Variants in ADISSP observed in about 807,000 individuals in gnomAD.
The protein encoded by ADISSP is adipose secreted signaling protein, also known as adipose-secreted signaling protein.
chr20:3,754,479 G>A, the ADISSP span: 7 of 1,613,676 alleles, frequency 4.3e-6, no homozygotes, highest in Non-Finnish European at 5.1e-6. Context: ...CTTTGAGGAC[G>A]CCCTCTTTGT....
chr20:3,764,876 TG>T, the ADISSP span, among the ~76,000 whole-genome samples: 1 of 152,176 alleles, frequency 6.6e-6, no homozygotes, highest in Non-Finnish European at 1.5e-5. Context: ...ACCCCTGCCC[TG>T]GGGGGCACTT....
At chr20:3,766,007 G>A in the ADISSP span, among the ~76,000 whole-genome samples, 6 of 152,274 alleles carry the variant, frequency 3.9e-5, no homozygotes, top group East Asian at 9.6e-4. Context: ...TGCTCCCAAC[G>A]TCTGAGACCT....
chr20:3,759,087 C>G, the ADISSP span, among the ~76,000 whole-genome samples: 2 of 152,194 alleles, frequency 1.3e-5, no homozygotes, highest in African/African-American at 4.8e-5. The surrounding 1 kb of genome is among the most constrained non-coding windows in gnomAD (Gnocchi z 4.6). Flanking sequence ...GGGCCTACCC[C>G]TAAGCTGTGT....
At chr20:3,757,341 C>T in the ADISSP span, among the ~76,000 whole-genome samples, 4 of 151,220 alleles carry the variant, frequency 2.6e-5, no homozygotes, top group Admixed American at 2.0e-4. Context: ...AGCAAGACTC[C>T]GTCTCAAAAA....
the ADISSP span, chr20:3,754,015 G>T: frequency 7.0e-7 from 1 of 1,434,626 alleles, no homozygotes. Context: ...GGACAAGGCG[G>T]GGTTTAAGGC....
At chr20:3,764,596 C>A in the ADISSP span, among the ~76,000 whole-genome samples, 2 of 152,258 alleles carry the variant, frequency 1.3e-5, no homozygotes, top group African/African-American at 4.8e-5. Context: ...AATCCCCTTT[C>A]TCATGTCTGG....
the ADISSP span, chr20:3,759,998 G>C: frequency 6.2e-7 from 1 of 1,603,552 alleles, no homozygotes; most frequent in South Asian, 1.1e-5. This position sits in a 1 kb window ranked among gnomAD's most constrained non-coding sequence, Gnocchi z 4.6. Flanking sequence ...CAGGTGGTGC[G>C]GGCCCTACCT....
the ADISSP span, among the ~76,000 whole-genome samples, chr20:3,767,050 T>C: frequency 6.6e-6 from 1 of 151,756 alleles, no homozygotes; most frequent in African/African-American, 2.4e-5. Flanking sequence ...CCGGCAGCCA[T>C]CCCTGTGGGT....
chr20:3,767,090 C>T, the ADISSP span: 1 of 152,304 alleles, frequency 6.6e-6, no homozygotes, highest in African/African-American at 2.4e-5. Flanking sequence ...CCATTCTTGT[C>T]ATCTCAGGGG....
At chr20:3,758,702 T>C in the ADISSP span, 9 of 1,609,424 alleles carry the variant, frequency 5.6e-6, no homozygotes, top group Non-Finnish European at 7.6e-6. This position sits in a 1 kb window ranked among gnomAD's most constrained non-coding sequence, Gnocchi z 5.5. Flanking sequence ...GAGAGGGCTC[T>C]GAGGGCTTTC....
At chr20:3,767,259 C>T in the ADISSP span, 1 of 152,348 alleles carries the variant, frequency 6.6e-6, no homozygotes, top group African/African-American at 2.4e-5. Flanking sequence ...CATCACTGCC[C>T]TCCTTCCTGA....
the ADISSP span, among the ~76,000 whole-genome samples, chr20:3,765,364 C>G: frequency 9.2e-5 from 14 of 152,192 alleles, no homozygotes; most frequent in Non-Finnish European, 1.9e-4. Flanking sequence ...TCCACATGGC[C>G]CCCAGAGGCA....
the ADISSP span, chr20:3,755,421 G>A: frequency 1.4e-5 from 22 of 1,578,790 alleles, no homozygotes; most frequent in African/African-American, 1.6e-4. Context: ...AGCACCCCAT[G>A]TTCTCACTCC....
At chr20:3,754,134 A>G in the ADISSP span, 1 of 1,613,078 alleles carries the variant, frequency 6.2e-7, no homozygotes, top group Non-Finnish European at 8.5e-7. Context: ...ACCATCCAGC[A>G]GCATGGGCGT....
the ADISSP span, among the ~76,000 whole-genome samples, chr20:3,764,272 T>C: frequency 6.6e-6 from 1 of 152,214 alleles, no homozygotes; most frequent in African/African-American, 2.4e-5. Context: ...GACAGCCCAG[T>C]GTCCTCAAGG....
At chr20:3,754,539 A>G in the ADISSP span, 35 of 1,603,456 alleles carry the variant, frequency 2.2e-5, no homozygotes, top group Non-Finnish European at 2.9e-5. Flanking sequence ...GACAGGGGCA[A>G]TTGGTCAGCA....
chr20:3,754,613 G>C, the ADISSP span: 2 of 1,323,768 alleles, frequency 1.5e-6, no homozygotes, highest in Non-Finnish European at 2.1e-6. Context: ...ACCATGGGGG[G>C]ACTGCATGCT....
the ADISSP span, among the ~76,000 whole-genome samples, chr20:3,764,776 C>T: frequency 4.6e-5 from 7 of 152,222 alleles, no homozygotes; most frequent in Admixed American, 2.0e-4. Flanking sequence ...GGCCAAGGCC[C>T]GTACTTCAGC....
chr20:3,762,986 C>T, the ADISSP span, among the ~76,000 whole-genome samples: 1,666 of 152,224 alleles, frequency 0.011, 38 homozygotes, highest in African/African-American at 0.038. Context: ...CCGGGCGCTG[C>T]GGCTCACACC....
Sources: allele counts gnomAD v4.1 joint callset (sites outside exome capture counted in the v4.1 genomes callset), GRCh38; gene constraint gnomAD v4.1.1; non-coding constraint Gnocchi (gnomAD v3.1); transcripts MANE v1.5; gene names NCBI Gene and HGNC (gene_info 2026-07-23, HGNC 2026-07-21).